AHDC1: variants seen among roughly 807,000 people sequenced by gnomAD.
AHDC1 encodes AT-hook DNA binding motif containing 1, also known as transcription factor Gibbin.
A neutral mutation model predicts 87.9 loss-of-function variants in AHDC1; 7 were observed. That is an observed-to-expected ratio of 0.08 (90% CI 0.05 to 0.15). The LOEUF is 0.15. AHDC1 is among the 10% of genes least tolerant of loss of function. AHDC1 has a pLI of 1.00. For synonymous variants in AHDC1, 1,051 were observed against 1,006.8 expected (o/e 1.04, Z -0.83); for missense variants, 1,841 against 2,253.2 (o/e 0.82, Z 3.70).
rs1339385404 is a variant in AHDC1 at position 27,547,329 on chromosome 1, T to G, written c.4787A>C (p.Asp1596Ala). The change falls in exon 8 of 9, where the codon GAC (aspartate) becomes GCC (alanine). Residue 1596 changes from aspartate to alanine, a missense_variant. Coordinates refer to ENST00000673934, the MANE Select transcript of AHDC1 (RefSeq NM_001371928.1). The surrounding 1 kb of genome is among the most constrained non-coding windows in gnomAD (Gnocchi z 4.9). ...CTACAGGGATGTGACGGTGAATGTG[T>G]CCTCGGGGTGAGGTTCCGCCATGGG... Reference protein sequence around the residue: ...LGPMAEPHPEDTFTVTSL With the variant: ...LGPMAEPHPEATFTVTSL The G allele has an allele frequency of 6.5e-7, 1 of 1,550,364 alleles. No homozygotes were observed. Among genetic ancestry groups the G allele is most frequent in the African/African-American group, 1.4e-5 (1 of 72,536 alleles).
intron 3 of AHDC1, among the ~76,000 whole-genome samples, chr1:27,591,312 C>A (rs1432937416): frequency 6.6e-6 from 1 of 152,356 alleles, no homozygotes; most frequent in African/African-American, 2.4e-5. Flanking sequence ...TGGCACCACA[C>A]CCAGCCCTGC....
At chr1:27,586,274 G>A (rs928042085) in intron 3 of AHDC1, among the ~76,000 whole-genome samples, 2 of 152,124 alleles carry the variant, frequency 1.3e-5, no homozygotes, top group African/African-American at 4.8e-5. Context: ...ACCTGGGCGA[G>A]AAGAGGGAGG....
Position 27,547,230 on chromosome 1 carries a change from C to T in AHDC1, c.*43+31G>A. On this transcript the variant is annotated intron_variant, in intron 8 of 8. Coordinates refer to ENST00000673934, the MANE Select transcript of AHDC1 (RefSeq NM_001371928.1). This position sits in a 1 kb window ranked among gnomAD's most constrained non-coding sequence, Gnocchi z 4.9. ...ATGTCCTCTTCCCACCCCCAGGCCT[C>T]TGCCCACTGCGCCCACATCCCCAGA... The T allele has an allele frequency of 1.4e-6, 2 of 1,432,986 alleles. No individual in the cohort carries two copies. Among genetic ancestry groups the T allele is most frequent in the South Asian group, 1.4e-5 (1 of 72,634 alleles). The allele number at this position is 1,432,986 out of a possible 1,614,324, so 88.8% of individuals were successfully genotyped here. A position where few individuals can be genotyped will look rare whatever the true frequency, so the allele number is the denominator to read the frequency against.
intron 3 of AHDC1, among the ~76,000 whole-genome samples, chr1:27,582,539 A>G (rs543916221): frequency 5.9e-5 from 9 of 152,162 alleles, no homozygotes; most frequent in Non-Finnish European, 1.0e-4. Flanking sequence ...TCTAACGACC[A>G]TTTATTTCAC....
chr1:27,542,446 G>A (rs143938913), intron 8 of AHDC1, among the ~76,000 whole-genome samples: 43 of 152,356 alleles, frequency 2.8e-4, no homozygotes, highest in Non-Finnish European at 3.7e-4. Context: ...TACAAGAGGC[G>A]AGGGTTGGAG....
In AHDC1 at chr1:27,562,033, G is replaced by T. The variant is rs890517012; in HGVS notation, c.-628-3150C>A. On this transcript the variant is annotated intron_variant, in intron 3 of 8. Transcript: ENST00000673934. This position sits in a 1 kb window ranked among gnomAD's most constrained non-coding sequence, Gnocchi z 4.4. ...GAGAGGCACGGGGGAAGCGAGCCAG[G>T]CAGAGATGGGAAAGGCAGGAGAGAG... Among the ~76,000 whole-genome samples, 2 of 152,090 alleles carry T rather than the reference G, an allele frequency of 1.3e-5. No homozygotes were observed. Among genetic ancestry groups the T allele is most frequent in the African/African-American group, 4.8e-5 (2 of 41,388 alleles).
intron 3 of AHDC1, among the ~76,000 whole-genome samples, chr1:27,575,231 G>A (rs932567054): frequency 6.6e-6 from 1 of 152,178 alleles, no homozygotes; most frequent in Non-Finnish European, 1.5e-5. Flanking sequence ...ACTGATCCCT[G>A]CCACCTCCGC....
At chr1:27,592,943 G>A (rs1488439819) in intron 3 of AHDC1, among the ~76,000 whole-genome samples, 3 of 152,208 alleles carry the variant, frequency 2.0e-5, no homozygotes, top group Non-Finnish European at 2.9e-5. Flanking sequence ...CTGGACGGGA[G>A]AGGGGCTCTG....
rs1221014440 is a variant in AHDC1, at chr1:27,558,036, C to A, written c.-225+269G>T. Reference sequence around the variant, plus strand: ...GGAGACTCCACCCCCAGACCTCAGGCCCCAGGAATGCTCCTTTGGAAGTAG... The same window carrying A: ...GGAGACTCCACCCCCAGACCTCAGGACCCAGGAATGCTCCTTTGGAAGTAG... On this transcript the variant is annotated intron_variant, in intron 5 of 8. Coordinates refer to ENST00000673934, the MANE Select transcript of AHDC1 (RefSeq NM_001371928.1). This position sits in a 1 kb window ranked among gnomAD's most constrained non-coding sequence, Gnocchi z 5.6. Among the ~76,000 whole-genome samples the A allele has an allele frequency of 1.3e-5, 2 of 152,222 alleles. No homozygotes were observed. Among genetic ancestry groups the A allele is most frequent in the African/African-American group, 4.8e-5 (2 of 41,462 alleles).
Position 27,598,694 on chromosome 1 carries a change from A to G in AHDC1, c.-629+4703T>C, listed in dbSNP as rs539023643. Among the ~76,000 whole-genome samples, 3 of 152,248 alleles carry G rather than the reference A, an allele frequency of 2.0e-5. No individual in the cohort carries two copies. In the South Asian group the frequency reaches 6.2e-4, roughly 32 times the overall value. On this transcript the variant is annotated intron_variant, in intron 3 of 8. Coordinates refer to ENST00000673934, the MANE Select transcript of AHDC1 (RefSeq NM_001371928.1). The surrounding 1 kb of genome is among the most constrained non-coding windows in gnomAD (Gnocchi z 4.2). ...ATCACACCAGTGTCACCCCCACAAC[A>G]GTGGAGGCTGGTTTTGGCCATGTAG...
rs1173601427 is a variant in AHDC1 at position 27,565,194 on chromosome 1, G to T, written c.-628-6311C>A. On this transcript the variant is annotated intron_variant, in intron 3 of 8. Transcript: ENST00000673934. The surrounding 1 kb of genome is among the most constrained non-coding windows in gnomAD (Gnocchi z 4.6). ...TTTGTTCCCCCCACCCACCCGCCGA[G>T]GGGGCCCAGCATGCCTTGCGTGCAA... 6.6e-6 allele frequency among the ~76,000 whole-genome samples: 1 copy of T among 151,516 alleles called. No homozygotes were observed. The highest frequency in any genetic ancestry group is 1.5e-5 in the Non-Finnish European group (1 of 67,868).
At chr1:27,579,936 C>A (rs1048605837) in intron 3 of AHDC1, among the ~76,000 whole-genome samples, 1 of 152,214 alleles carries the variant, frequency 6.6e-6, no homozygotes, top group African/African-American at 2.4e-5. Flanking sequence ...TGCTGTGGTT[C>A]TAGACAGTGC....
At chr1:27,580,630 C>G (rs2088878470) in intron 3 of AHDC1, among the ~76,000 whole-genome samples, 1 of 152,214 alleles carries the variant, frequency 6.6e-6, no homozygotes, top group African/African-American at 2.4e-5. Flanking sequence ...TAGGCCTCCT[C>G]AGTTTTCTCG....
chr1:27,564,352 A>T (rs957953926), intron 3 of AHDC1, among the ~76,000 whole-genome samples: 1 of 152,096 alleles, frequency 6.6e-6, no homozygotes, highest in Non-Finnish European at 1.5e-5. Context: ...GCTGGAGACC[A>T]GCAGGCAGAA....
Position 27,558,620 on chromosome 1 carries a change from C to A in AHDC1, c.-451+86G>T. 2.5e-6 allele frequency: 1 copy of A among 397,946 alleles called. No homozygotes were observed. Among genetic ancestry groups the A allele is most frequent in the Non-Finnish European group, 4.4e-6 (1 of 225,988 alleles). The allele number at this position is 397,946 out of a possible 1,614,324, so 24.7% of individuals were successfully genotyped here. ...TTTGACCTAAGCTGGGAGGGGATCC[C>A]TGTTGGGACTGGGAGGCAAGTTCCC... On this transcript the variant is annotated intron_variant, in intron 4 of 8. Transcript: ENST00000673934. The surrounding 1 kb of genome is among the most constrained non-coding windows in gnomAD (Gnocchi z 5.6).
Position 27,547,460 on chromosome 1 carries a change from C to A in AHDC1, c.4656G>T (p.Pro1552=). ...CCTGCAGGGGCAGCAGCGAGTCCCT[C>A]GGCACGGGGGACAGGGTCAAGTCAC... The part of the protein sequence containing the change: ...LLSDLTLSPV[P]RDSLLPLQDT... The change falls in exon 8 of 9, where the codon CCG becomes CCT. Residue 1552 remains proline (P), a synonymous_variant. Coordinates refer to ENST00000673934, the MANE Select transcript of AHDC1 (RefSeq NM_001371928.1). The surrounding 1 kb of genome is among the most constrained non-coding windows in gnomAD (Gnocchi z 4.9). 6.3e-7 allele frequency: 1 copy of A among 1,593,218 alleles called. No homozygotes were observed. Among genetic ancestry groups the A allele is most frequent in the Admixed American group, 1.7e-5 (1 of 59,344 alleles).
chr1:27,538,545 C>T (rs1420860262), intron 8 of AHDC1, among the ~76,000 whole-genome samples: 2 of 150,940 alleles, frequency 1.3e-5, no homozygotes, highest in South Asian at 2.1e-4. Context: ...GACAGGTTCT[C>T]ACTCTATCAC....
At chr1:27,592,799 T>C (rs2148477831) in intron 3 of AHDC1, among the ~76,000 whole-genome samples, 1 of 152,274 alleles carries the variant, frequency 6.6e-6, no homozygotes, top group East Asian at 1.9e-4. Context: ...GGCTGCCGGT[T>C]AACCTGTGAG....
chr1:27,580,008 C>T (rs58320318), intron 3 of AHDC1, among the ~76,000 whole-genome samples: 1 of 152,112 alleles, frequency 6.6e-6, no homozygotes, highest in African/African-American at 2.4e-5. Flanking sequence ...GTTCCAAATC[C>T]TACTCTGATC....
Sources: gnomAD v4.1 joint callset for allele counts (sites outside exome capture counted in the v4.1 genomes callset) on GRCh38, gnomAD v4.1.1 for gene constraint, Gnocchi (gnomAD v3.1) non-coding constraint, MANE v1.5 for transcripts, NCBI Gene and HGNC (gene_info 2026-07-23, HGNC 2026-07-21) for gene names.